SPAST: variants seen among roughly 807,000 people sequenced by gnomAD.
The protein encoded by SPAST is spastin, also known as spastic paraplegia 4 (autosomal dominant; spastin).
In SPAST, 30 loss-of-function variants were observed where a neutral mutation model predicts 76.6. The ratio of observed to expected loss-of-function variants is 0.39; its 90% CI spans 0.29 to 0.53. SPAST has a LOEUF of 0.53. Among genes scored for constraint, SPAST ranks in the 20% least tolerant of loss-of-function variants. The pLI is 0.68. For synonymous variants in SPAST, 305 were observed against 281.0 expected (o/e 1.09, Z -0.86); for missense variants, 717 against 770.5 (o/e 0.93, Z 0.82).
At chr2:32,133,431 C>T (rs1449060746) in intron 9 of SPAST, among the ~76,000 whole-genome samples, 1 of 152,118 alleles carries the variant, frequency 6.6e-6, no homozygotes, top group Non-Finnish European at 1.5e-5. Flanking sequence ...CCCTCAAAAC[C>T]ACTAGACTAC....
intron 12 of SPAST, among the ~76,000 whole-genome samples, chr2:32,140,721 A>C (rs1282211307): frequency 2.0e-5 from 3 of 150,572 alleles, no homozygotes; most frequent in African/African-American, 7.3e-5. Flanking sequence ...ATTCCAGACC[A>C]GCCTCGCCAA....
intron 9 of SPAST, among the ~76,000 whole-genome samples, chr2:32,131,671 CTTTTT>C (rs541036416): frequency 1.9e-5 from 2 of 108,016 alleles, no homozygotes; most frequent in African/African-American, 6.9e-5. Flanking sequence ...CAACCATTCT[CTTTTT>C]TTTTTTTTTT....
chr2:32,081,747 T>TC (rs1159889622), intron 1 of SPAST, among the ~76,000 whole-genome samples: 4 of 124,438 alleles, frequency 3.2e-5, no homozygotes, highest in Non-Finnish European at 4.7e-5. Flanking sequence ...TCATACCATT[T>TC]CACTCCAGCC....
intron 9 of SPAST, among the ~76,000 whole-genome samples, chr2:32,135,816 T>C (rs759666672): frequency 1.4e-4 from 21 of 152,124 alleles, no homozygotes; most frequent in Non-Finnish European, 2.9e-4. Context: ...ATAGGAAAGA[T>C]AGGATTGGAA....
At chr2:32,070,394 C>G (rs979145628) in intron 1 of SPAST, among the ~76,000 whole-genome samples, 1 of 152,088 alleles carries the variant, frequency 6.6e-6, no homozygotes, top group Non-Finnish European at 1.5e-5. Context: ...ACTGAATTTT[C>G]ATAAAGGCCT....
At chr2:32,114,429 C>T (rs961795860) in intron 4 of SPAST, among the ~76,000 whole-genome samples, 5 of 151,990 alleles carry the variant, frequency 3.3e-5, no homozygotes, top group African/African-American at 9.7e-5. Flanking sequence ...TAGAATTATA[C>T]GTTAGGGGGA....
intron 7 of SPAST, among the ~76,000 whole-genome samples, chr2:32,124,471 C>G (rs575994761): frequency 1.3e-5 from 2 of 151,826 alleles, no homozygotes; most frequent in Non-Finnish European, 2.9e-5. Context: ...CAGTTTTTTA[C>G]AGAACTAAAG....
intron 1 of SPAST, among the ~76,000 whole-genome samples, chr2:32,086,108 G>T (rs1472984843): frequency 1.3e-5 from 2 of 151,876 alleles, no homozygotes; most frequent in African/African-American, 2.4e-5. Flanking sequence ...GTATTATATT[G>T]ATTTTGAAAT....
intron 3 of SPAST, among the ~76,000 whole-genome samples, chr2:32,098,538 A>G (rs907341220): frequency 6.6e-6 from 1 of 152,202 alleles, no homozygotes; most frequent in Non-Finnish European, 1.5e-5. Context: ...AGTGATATCT[A>G]ACTACCTCAG....
rs746651698 is a variant in SPAST at position 32,114,726 on chromosome 2, T to C, written c.771T>C (p.Ser257=). 1 of 1,614,092 alleles carries C rather than the reference T, an allele frequency of 6.2e-7. No individual in the cohort carries two copies. The highest frequency in any genetic ancestry group is 2.2e-5 in the East Asian group (1 of 44,872). The change falls in exon 5 of 17, where the codon TCT becomes TCC. Residue 257 remains serine, a synonymous_variant. Transcript: ENST00000315285. ...CAAAAACAGTTATGAAAACTGGATCTGCAGGCCTTTCAGGCCACCATAGAG... is the reference window on the plus strand; with the variant it reads ...CAAAAACAGTTATGAAAACTGGATCCGCAGGCCTTTCAGGCCACCATAGAG... The part of the protein sequence containing the change: ...PRSKTVMKTG[S]AGLSGHHRAP...
chr2:32,088,072 A>C (rs1168070993), intron 2 of SPAST, among the ~76,000 whole-genome samples: 2 of 151,576 alleles, frequency 1.3e-5, no homozygotes, highest in Non-Finnish European at 2.9e-5. Flanking sequence ...ATTTTTAGTG[A>C]AGATGGGGTT....
At chr2:32,072,146 C>T (rs1006892366) in intron 1 of SPAST, among the ~76,000 whole-genome samples, 8 of 152,126 alleles carry the variant, frequency 5.3e-5, no homozygotes, top group Non-Finnish European at 8.8e-5. Flanking sequence ...GTGTTCACGC[C>T]GTTCTCCTGC....
intron 9 of SPAST, among the ~76,000 whole-genome samples, chr2:32,135,209 A>G (rs906185895): frequency 6.6e-6 from 1 of 150,552 alleles, no homozygotes; most frequent in Non-Finnish European, 1.5e-5. Context: ...GGCTCACTGC[A>G]AGCTCCACCT....
intron 4 of SPAST, among the ~76,000 whole-genome samples, chr2:32,109,845 T>C (rs1009524772): frequency 1.3e-5 from 2 of 148,996 alleles, no homozygotes; most frequent in South Asian, 2.1e-4. Context: ...TATATGCATA[T>C]ACATATATAG....
intron 1 of SPAST, among the ~76,000 whole-genome samples, chr2:32,066,402 G>T (rs192473829): frequency 6.6e-6 from 1 of 152,276 alleles, no homozygotes; most frequent in Admixed American, 6.5e-5. Context: ...AGTCATGGTG[G>T]CTCACGCGTG....
chr2:32,078,906 A>G (rs751057112), intron 1 of SPAST, among the ~76,000 whole-genome samples: 30 of 151,980 alleles, frequency 2.0e-4, no homozygotes, highest in Admixed American at 9.2e-4. Context: ...GGTTGGAGTG[A>G]AGTGGTAAGA....
intron 1 of SPAST, among the ~76,000 whole-genome samples, chr2:32,068,485 A>G (rs13029752): frequency 0.42 from 62,989 of 151,458 alleles, 13,432 homozygotes; most frequent in East Asian, 0.64. Flanking sequence ...CCCCACACCC[A>G]GCCAATTTTT....
At chr2:32,146,120 T>G (rs1390559332) in intron 15 of SPAST, among the ~76,000 whole-genome samples, 1 of 152,228 alleles carries the variant, frequency 6.6e-6, no homozygotes, top group Non-Finnish European at 1.5e-5. Flanking sequence ...TGAACAAATT[T>G]TCTTGCTGCT....
chr2:32,108,643 G>A (rs1186234511), intron 4 of SPAST, among the ~76,000 whole-genome samples: 1 of 150,860 alleles, frequency 6.6e-6, no homozygotes, highest in East Asian at 1.9e-4. Context: ...TAGAGATGGG[G>A]TTTCCCCATG....
Sources: gnomAD v4.1 joint callset for allele counts (sites outside exome capture counted in the v4.1 genomes callset) on GRCh38, gnomAD v4.1.1 for gene constraint, MANE v1.5 for transcripts, NCBI Gene and HGNC (gene_info 2026-07-23, HGNC 2026-07-21) for gene names.